PAPSS2: variants seen among roughly 807,000 people sequenced by gnomAD.
The protein encoded by PAPSS2 is bifunctional 3'-phosphoadenosine 5'-phosphosulfate synthase 2.
PAPSS2 carries 61 observed loss-of-function variants against 66.5 expected under a neutral mutation model. The ratio of observed to expected loss-of-function variants is 0.92; its 90% CI spans 0.75 to 1.14. The LOEUF is 1.14. Ranked by LOEUF, PAPSS2 falls within the 50% of genes most tolerant of loss-of-function variation. PAPSS2 has a pLI of 0.00. For synonymous variants in PAPSS2, 289 were observed against 287.5 expected, an observed-to-expected ratio of 1.01 and a Z score of -0.05; for missense variants, 708 against 789.6, an observed-to-expected ratio of 0.90 and a Z score of 1.24.
intron 1 of PAPSS2, among the ~76,000 whole-genome samples, chr10:87,669,354 G>A (rs1589417975): frequency 6.6e-6 from 1 of 152,268 alleles, no homozygotes; most frequent in Non-Finnish European, 1.5e-5. Context: ...GTACTATGAA[G>A]TCGATTACAG....
chr10:87,745,059 A>C lies in PAPSS2; in HGVS notation c.1549A>C (p.Arg517=). The part of the protein sequence containing the change: ...IAGANFYIVG[R]DPAGMPHPET... Reference sequence around the variant, plus strand: ...GGGTGCCAATTTCTACATTGTGGGGAGGGACCCTGCAGGAATGCCCCATCC... The same window carrying C: ...GGGTGCCAATTTCTACATTGTGGGGCGGGACCCTGCAGGAATGCCCCATCC... The change falls in exon 12 of 13, where the codon AGG becomes CGG. Residue 517 remains arginine (R), a synonymous_variant. Coordinates refer to ENST00000456849, the MANE Select transcript of PAPSS2 (RefSeq NM_001015880.2). The C allele has an allele frequency of 6.2e-7, 1 of 1,613,994 alleles. No homozygotes were observed. Among genetic ancestry groups the C allele is most frequent in the Non-Finnish European group, 8.5e-7 (1 of 1,179,960 alleles).
rs562477349 is a variant in PAPSS2, at chr10:87,659,989, G to A, written c.8G>A (p.Gly3Glu). The change falls in exon 1 of 13, where the codon GGG becomes GAG. Residue 3 changes from glycine (G) to glutamate (E), a missense_variant. Coordinates refer to ENST00000456849, the MANE Select transcript of PAPSS2 (RefSeq NM_001015880.2). Reference sequence around the variant, plus strand: ...CCGCCGCAGCCAGCCAGCATGTCGGGGATCAAGAAGCAAAAGACGGTAGGC... The same window carrying A: ...CCGCCGCAGCCAGCCAGCATGTCGGAGATCAAGAAGCAAAAGACGGTAGGC... MS[G>E]IKKQKTENQQ... is the part of the protein sequence containing the mutation. 1 of 1,613,318 alleles carries A rather than the reference G, an allele frequency of 6.2e-7. No individual in the cohort carries two copies. Among genetic ancestry groups the A allele is most frequent in the South Asian group, 1.1e-5 (1 of 90,992 alleles).
At chr10:87,668,658 ATGTGTGTGTG>A (rs58768390) in intron 1 of PAPSS2, among the ~76,000 whole-genome samples, 2,509 of 149,254 alleles carry the variant, frequency 0.017, 62 homozygotes, top group African/African-American at 0.058. Flanking sequence ...TACTTTAAAA[ATGTGTGTGTG>A]TGTGTGTGTG....
At position 87,745,863 on chromosome 10, in the gene PAPSS2, C is replaced by T. The variant is rs1853931024; in HGVS notation, c.1753C>T (p.Arg585Ter). 2.5e-6 allele frequency: 4 copies of T among 1,613,902 alleles called. No homozygotes were observed. The highest frequency in any genetic ancestry group is 1.7e-5 in the Admixed American group (1 of 60,002). ...TGAGTTTGACTTCATCTCAGGAACT[C>T]GAATGAGGAAGCTCGCCCGGGAAGG... ...HNEFDFISGT[R>*]MRKLAREGEN... The change falls in exon 13 of 13, where the codon CGA (arginine) becomes TGA (stop). Residue 585 changes from arginine to a stop codon, truncating the protein, a stop_gained. Transcript: ENST00000456849. LOFTEE classifies it high-confidence loss of function.
chr10:87,663,943 T>C (rs570699803), intron 1 of PAPSS2, among the ~76,000 whole-genome samples: 1 of 152,252 alleles, frequency 6.6e-6, no homozygotes, highest in East Asian at 1.9e-4. Context: ...TTGTTTTGTT[T>C]TGAGACAGGC....
At chr10:87,690,331 G>T (rs1284071402) in intron 1 of PAPSS2, among the ~76,000 whole-genome samples, 13 of 152,190 alleles carry the variant, frequency 8.5e-5, no homozygotes, top group Admixed American at 8.5e-4. Flanking sequence ...TAATAGTGTG[G>T]AAAGGAGGAT....
intron 1 of PAPSS2, among the ~76,000 whole-genome samples, chr10:87,695,783 C>T (rs952172188): frequency 1.3e-5 from 2 of 152,180 alleles, no homozygotes; most frequent in South Asian, 2.1e-4. Context: ...TATAAGCCCT[C>T]GTCGTCATTT....
At chr10:87,688,545 C>T (rs7923086) in intron 1 of PAPSS2, among the ~76,000 whole-genome samples, 4,736 of 151,634 alleles carry the variant, frequency 0.031, 120 homozygotes, top group South Asian at 0.093. Flanking sequence ...CCTCAAGCTC[C>T]GCCCCCCGGG....
chr10:87,663,571 G>A (rs1178528267), intron 1 of PAPSS2, among the ~76,000 whole-genome samples: 2 of 152,158 alleles, frequency 1.3e-5, no homozygotes, highest in Non-Finnish European at 2.9e-5. Flanking sequence ...AAACAGCTTT[G>A]TCTTCAGGGG....
At chr10:87,690,590 C>A (rs1333007016) in intron 1 of PAPSS2, among the ~76,000 whole-genome samples, 3 of 151,898 alleles carry the variant, frequency 2.0e-5, no homozygotes, top group Non-Finnish European at 4.4e-5. Context: ...TGAGCTAGGT[C>A]CAGAAGCCAG....
chr10:87,709,350 T>C (rs1853437664), intron 2 of PAPSS2, 37 bp downstream of exon 2: 12 of 1,219,474 alleles, frequency 9.8e-6, no homozygotes, highest in Non-Finnish European at 1.5e-5. Context: ...TATATACAAA[T>C]TGCAAACTGA....
intron 1 of PAPSS2, among the ~76,000 whole-genome samples, chr10:87,673,845 A>T (rs1852911668): frequency 6.6e-6 from 1 of 151,810 alleles, no homozygotes; most frequent in Non-Finnish European, 1.5e-5. Flanking sequence ...TACTTTTAGG[A>T]ACTCTACAGA....
At chr10:87,697,227 G>A (rs7082641) in intron 1 of PAPSS2, among the ~76,000 whole-genome samples, 1 of 152,084 alleles carries the variant, frequency 6.6e-6, no homozygotes, top group African/African-American at 2.4e-5. Context: ...GGCAAAAAAC[G>A]AACATGGTTA....
At chr10:87,736,354 G>A (rs1402391553) in intron 9 of PAPSS2, among the ~76,000 whole-genome samples, 3 of 134,204 alleles carry the variant, frequency 2.2e-5, no homozygotes, top group East Asian at 2.4e-4. Flanking sequence ...TGCAACCTCC[G>A]CCTCCCAGGT....
At chr10:87,712,813 C>T (rs1261927982) in intron 2 of PAPSS2, among the ~76,000 whole-genome samples, 1 of 152,076 alleles carries the variant, frequency 6.6e-6, no homozygotes, top group Non-Finnish European at 1.5e-5. Flanking sequence ...CAGAACACAT[C>T]GAGGACCACA....
At chr10:87,675,792 G>A (rs1029084822) in intron 1 of PAPSS2, among the ~76,000 whole-genome samples, 6 of 152,052 alleles carry the variant, frequency 3.9e-5, no homozygotes, top group African/African-American at 1.4e-4. Flanking sequence ...GATCTGTGTT[G>A]GGGAATGGAG....
chr10:87,723,145 G>C (rs1853616628), intron 8 of PAPSS2, among the ~76,000 whole-genome samples: 2 of 152,182 alleles, frequency 1.3e-5, no homozygotes, highest in Non-Finnish European at 2.9e-5. Context: ...TTTGCATTTT[G>C]CTTTATTTCG....
rs1039035355 is a variant in PAPSS2, at chr10:87,661,130, G to A, written c.27+1122G>A. The A allele has an allele frequency of 4.2e-5, 16 of 376,520 alleles. No individual in the cohort carries two copies. The East Asian group carries it at 9.0e-4, about 21-fold the overall frequency. 23.3% of individuals were successfully genotyped at this position (376,520 alleles called of 1,614,324 possible). A position where few individuals can be genotyped will look rare whatever the true frequency, so the allele number is the denominator to read the frequency against. ...CTTTGAGGTGTATTTGTGGTGGGCC[G>A]GGGAGAGGTTTAAAAAAAAAAACAA... On this transcript the variant is annotated intron_variant, in intron 1 of 12. Transcript: ENST00000456849.
At chr10:87,711,954 AT>A (rs970313204) in intron 2 of PAPSS2, among the ~76,000 whole-genome samples, 99 of 145,430 alleles carry the variant, frequency 6.8e-4, no homozygotes, top group Middle Eastern at 3.6e-3. Context: ...TAAAGGACCC[AT>A]TTTTTTTTTT....
Sources: gnomAD v4.1 joint callset for allele counts (sites outside exome capture counted in the v4.1 genomes callset) on GRCh38, gnomAD v4.1.1 for gene constraint, MANE v1.5 for transcripts, NCBI Gene and HGNC (gene_info 2026-07-23, HGNC 2026-07-21) for gene names.